The following CHRM3 variants were observed in gnomAD, a reference collection of about 807,000 sequenced individuals.
CHRM3 encodes muscarinic acetylcholine receptor M3.
In CHRM3, 11 loss-of-function variants were observed where a neutral mutation model predicts 41.8. That is an observed-to-expected ratio of 0.26 (90% CI 0.17 to 0.44). CHRM3 has a LOEUF of 0.44. CHRM3 is among the 20% of genes least tolerant of loss of function. The pLI, the probability that CHRM3 is intolerant of heterozygous loss-of-function variation, is 1.00. For synonymous variants in CHRM3, 297 were observed against 301.4 expected, an observed-to-expected ratio of 0.99 and a Z score of 0.15; for missense variants, 571 against 745.4, an observed-to-expected ratio of 0.77 and a Z score of 2.72.
At chr1:239,478,510 G>A (rs1666609515) in intron 1 of CHRM3, among the ~76,000 whole-genome samples, 1 of 152,186 alleles carries the variant, frequency 6.6e-6, no homozygotes, top group Admixed American at 6.5e-5. Flanking sequence ...TCCAAGAAAT[G>A]TAGCAGAAAA....
At chr1:239,598,431 A>C (rs1041294610) in intron 3 of CHRM3, among the ~76,000 whole-genome samples, 1 of 152,174 alleles carries the variant, frequency 6.6e-6, no homozygotes, top group Non-Finnish European at 1.5e-5. Flanking sequence ...GGAGACCTTG[A>C]TTCTAAGCCT....
At chr1:239,469,613 A>G (rs1288853030) in intron 1 of CHRM3, among the ~76,000 whole-genome samples, 1 of 152,002 alleles carries the variant, frequency 6.6e-6, no homozygotes, top group Non-Finnish European at 1.5e-5. Flanking sequence ...CTGGAATGCA[A>G]TGGCACAGTC....
chr1:239,472,910 T>C (rs1666223165), intron 1 of CHRM3, among the ~76,000 whole-genome samples: 2 of 152,088 alleles, frequency 1.3e-5, no homozygotes, highest in Admixed American at 1.3e-4. Context: ...CTATAGTTAT[T>C]AAGGCATGAT....
chr1:239,437,287 T>G (rs775282355), intron 1 of CHRM3, among the ~76,000 whole-genome samples: 2 of 152,126 alleles, frequency 1.3e-5, no homozygotes, highest in Non-Finnish European at 2.9e-5. Flanking sequence ...CTTTTTAAAT[T>G]TTTTGTAGAG....
Position 239,909,077 on chromosome 1 carries a change from G to A in CHRM3, c.1626G>A (p.Val542=), listed in dbSNP as rs765946218. ...LCYINSTVNP[V]CYALCNKTFR... The stretch of plus-strand genomic sequence containing the variant: ...ACATCAACAGCACCGTGAACCCCGT[G>A]TGCTATGCTCTGTGCAACAAAACAT... Residue 542 remains valine (V), a synonymous_variant, in exon 7 of 7, where the codon GTG becomes GTA. Coordinates refer to ENST00000676153, the MANE Select transcript of CHRM3 (RefSeq NM_001375978.1). The A allele has an allele frequency of 2.8e-5, 46 of 1,614,116 alleles. No individual in the cohort carries two copies. The highest frequency in any genetic ancestry group is 3.8e-5 in the Non-Finnish European group (45 of 1,180,032).
At chr1:239,715,184 A>G (rs542291022) in intron 5 of CHRM3, among the ~76,000 whole-genome samples, 15 of 151,752 alleles carry the variant, frequency 9.9e-5, no homozygotes, top group South Asian at 4.2e-4. Context: ...ATCAACTTCA[A>G]TGAAGAACTG....
chr1:239,843,447 CTTTTTTT>C (rs34901177), intron 6 of CHRM3, among the ~76,000 whole-genome samples: 1 of 81,226 alleles, frequency 1.2e-5, no homozygotes, highest in Non-Finnish European at 2.3e-5. Flanking sequence ...ACTCGCTTTC[CTTTTTTT>C]TTTTTTTTTT....
intron 3 of CHRM3, among the ~76,000 whole-genome samples, chr1:239,601,545 T>C (rs1268876443): frequency 2.0e-5 from 3 of 150,360 alleles, no homozygotes; most frequent in Non-Finnish European, 4.4e-5. Context: ...TAAGACCCAT[T>C]AGAAAAAAAA....
chr1:239,555,921 A>G (rs1357712219), intron 3 of CHRM3, among the ~76,000 whole-genome samples: 1 of 152,160 alleles, frequency 6.6e-6, no homozygotes, highest in Non-Finnish European at 1.5e-5. Context: ...AATTGGAAAA[A>G]CTGTCAGTCA....
chr1:239,843,693 G>C (rs1301444521), intron 6 of CHRM3, among the ~76,000 whole-genome samples: 1 of 152,050 alleles, frequency 6.6e-6, no homozygotes, highest in Non-Finnish European at 1.5e-5. Context: ...TTTAATTGCT[G>C]ACATAGAAGT....
At chr1:239,829,343 A>G (rs1672716875) in intron 6 of CHRM3, among the ~76,000 whole-genome samples, 1 of 152,076 alleles carries the variant, frequency 6.6e-6, no homozygotes, top group Non-Finnish European at 1.5e-5. Context: ...AGATTTTCCC[A>G]GTTGGTACAG....
intron 3 of CHRM3, among the ~76,000 whole-genome samples, chr1:239,559,647 A>G (rs1296808596): frequency 6.6e-6 from 1 of 152,200 alleles, no homozygotes; most frequent in African/African-American, 2.4e-5. Flanking sequence ...GTTAGTTGCG[A>G]GAAGCTGGCC....
At chr1:239,399,013 A>G (rs566235714) in intron 1 of CHRM3, among the ~76,000 whole-genome samples, 4 of 152,304 alleles carry the variant, frequency 2.6e-5, no homozygotes, top group South Asian at 4.1e-4. Context: ...AAAAAGTAAT[A>G]TGTTGGAACC....
At position 239,668,860 on chromosome 1, in the gene CHRM3, A is replaced by G. The variant is rs1235983619; in HGVS notation, c.-249-9326A>G. 7.9e-5 allele frequency among the ~76,000 whole-genome samples: 12 copies of G among 152,208 alleles called. No homozygotes were observed. In the East Asian group the frequency reaches 2.3e-3, roughly 29 times the overall value. On this transcript the variant is annotated intron_variant, in intron 4 of 6. Transcript: ENST00000676153. ...CAGTTTGGGGTCTTATTCAGAGAAC[A>G]AACCAGTAGTTCTAGAGATAATAGG...
At chr1:239,906,696 T>A (rs892973646) in intron 6 of CHRM3, among the ~76,000 whole-genome samples, 20 of 152,346 alleles carry the variant, frequency 1.3e-4, no homozygotes, top group African/African-American at 4.3e-4. Context: ...CACGCTAAAA[T>A]ACATTTTCAT....
At chr1:239,574,358 AGCT>A (rs1288271035) in intron 3 of CHRM3, among the ~76,000 whole-genome samples, 4 of 151,904 alleles carry the variant, frequency 2.6e-5, no homozygotes. Flanking sequence ...ACTTATCTCC[AGCT>A]GTGCTATTAT....
chr1:239,760,818 C>T (rs1017860813), intron 5 of CHRM3, among the ~76,000 whole-genome samples: 4 of 152,184 alleles, frequency 2.6e-5, no homozygotes, highest in Non-Finnish European at 5.9e-5. Context: ...TGGCTTTAAG[C>T]AGTTTCATGA....
intron 1 of CHRM3, among the ~76,000 whole-genome samples, chr1:239,454,351 A>G (rs1664770356): frequency 6.6e-6 from 1 of 152,194 alleles, no homozygotes; most frequent in South Asian, 2.1e-4. Context: ...AAACAGATGA[A>G]CAGCCAGATG....
intron 1 of CHRM3, among the ~76,000 whole-genome samples, chr1:239,431,999 C>G (rs1662872038): frequency 6.6e-6 from 1 of 151,650 alleles, no homozygotes; most frequent in Admixed American, 6.6e-5. Context: ...TCCACACACT[C>G]TTTGTTCCTC....
Sources: allele counts gnomAD v4.1 joint callset (sites outside exome capture counted in the v4.1 genomes callset), GRCh38; gene constraint gnomAD v4.1.1; transcripts MANE v1.5; gene names NCBI Gene and HGNC (gene_info 2026-07-23, HGNC 2026-07-21).